Variants in PBOV1 observed in about 807,000 individuals in gnomAD.
PBOV1 encodes the protein prostate and breast cancer overexpressed gene 1 protein.
For synonymous variants in PBOV1, 46 were observed against 55.9 expected (o/e 0.82, Z 0.79); for missense variants, 147 against 151.4 (o/e 0.97, Z 0.15).
Position 138,216,646 on chromosome 6 carries a change from T to G in PBOV1, c.*1342A>C, listed in dbSNP as rs973247400. ...GAAAGAATGTGATCATTAGTGAAGT[T>G]TGAGAGTGAAATGGCTAATTTGTCT... On this transcript the variant is annotated 3_prime_UTR_variant, in exon 1 of 1. Transcript: ENST00000527246. 2 of 152,190 alleles carry G rather than the reference T, an allele frequency of 1.3e-5. No homozygotes were observed. Among genetic ancestry groups the G allele is most frequent in the Admixed American group, 6.5e-5 (1 of 15,278 alleles). The allele number at this position is 152,190 out of a possible 1,614,324, so 9.4% of individuals were successfully genotyped here.
chr6:138,218,337 A>G lies in PBOV1; in HGVS notation c.59T>C (p.Leu20Ser). The G allele has an allele frequency of 6.4e-7, 1 of 1,555,994 alleles. No individual in the cohort carries two copies. Among genetic ancestry groups the G allele is most frequent in the Non-Finnish European group, 8.7e-7 (1 of 1,149,174 alleles). Residue 20 changes from leucine to serine, a missense_variant, in exon 1 of 1, where the codon TTA becomes TCA. Physicochemically the swap from Leu to Ser is moderately radical, Grantham distance 145. Coordinates refer to ENST00000527246, the MANE Select transcript of PBOV1 (RefSeq NM_021635.3). ...YEDMHNIIHI[L>S]QIRKLRHRLS... Reference sequence around the variant, plus strand: ...TCTGTGCCTCAATTTTCTGATCTGTAAAATGTGAATAATATTGTGCATATC... The same window carrying G: ...TCTGTGCCTCAATTTTCTGATCTGTGAAATGTGAATAATATTGTGCATATC...
At position 138,218,263 on chromosome 6, in the gene PBOV1, G is replaced by A. The variant is rs559691424; in HGVS notation, c.133C>T (p.Leu45Phe). ...AATACCTTGTAGCAGAATGGTAAGA[G>A]CACAGTTTCTGGAGCTAGAATGCCT... is the stretch of plus-strand genomic sequence containing the variant. The part of the protein sequence containing the change: ...LPGILAPETV[L>F]LPFCYKVFRK... Residue 45 changes from leucine to phenylalanine, a missense_variant, in exon 1 of 1, where the codon CTC becomes TTC. Leu to Phe is a conservative substitution (Grantham distance 22). Transcript: ENST00000527246. The A allele has an allele frequency of 1.7e-5, 28 of 1,609,768 alleles. No homozygotes were observed. In the South Asian group the frequency reaches 2.9e-4, roughly 16 times the overall value.
rs368322752 is a variant in PBOV1, at chr6:138,216,499, G to A, written c.*1489C>T. 2.0e-5 allele frequency: 3 copies of A among 152,180 alleles called. No individual in the cohort carries two copies. The highest frequency in any genetic ancestry group is 7.2e-5 in the African/African-American group (3 of 41,436). 9.4% of individuals were successfully genotyped at this position (152,180 alleles called of 1,614,324 possible). ...GCAAGAAACACGACAAAGGAAGAAA[G>A]ACTGTTTGAGTCCCCTCTCGGTAAT... On this transcript the variant is annotated 3_prime_UTR_variant, in exon 1 of 1. Coordinates refer to ENST00000527246, the MANE Select transcript of PBOV1 (RefSeq NM_021635.3).
At position 138,216,844 on chromosome 6, in the gene PBOV1, T is replaced by A. The variant is rs1777873811; in HGVS notation, c.*1144A>T. 6.6e-6 allele frequency: 1 copy of A among 152,242 alleles called. No homozygotes were observed. The highest frequency in any genetic ancestry group is 1.5e-5 in the Non-Finnish European group (1 of 68,036). The allele number at this position is 152,242 out of a possible 1,614,324, so 9.4% of individuals were successfully genotyped here. A position where few individuals can be genotyped will look rare whatever the true frequency, so the allele number is the denominator to read the frequency against. On this transcript the variant is annotated 3_prime_UTR_variant, in exon 1 of 1. Transcript: ENST00000527246. Reference sequence around the variant, plus strand: ...CTAACAAGTTTGCAAACATATTGTTTGTGCAGTTAATGCAGGGAAGTGTCT... The same window carrying A: ...CTAACAAGTTTGCAAACATATTGTTAGTGCAGTTAATGCAGGGAAGTGTCT...
rs1035549371 is a variant in PBOV1, at chr6:138,217,150, A to G, written c.*838T>C. Reference sequence around the variant, plus strand: ...GATGGAGATTTTCATATTATCTATTAATATCTTTTTAAAGCACCACCATTT... The same window carrying G: ...GATGGAGATTTTCATATTATCTATTGATATCTTTTTAAAGCACCACCATTT... On this transcript the variant is annotated 3_prime_UTR_variant, in exon 1 of 1. Coordinates refer to ENST00000527246, the MANE Select transcript of PBOV1 (RefSeq NM_021635.3). 2.0e-5 allele frequency: 3 copies of G among 152,332 alleles called. No individual in the cohort carries two copies. Among genetic ancestry groups the G allele is most frequent in the Admixed American group, 2.0e-4 (3 of 15,304 alleles). The allele number at this position is 152,332 out of a possible 1,614,324, so 9.4% of individuals were successfully genotyped here.
chr6:138,218,083 T>C lies in PBOV1; in HGVS notation c.313A>G (p.Ile105Val), dbSNP rs1562357387. The change falls in exon 1 of 1, where the codon ATA (isoleucine) becomes GTA (valine). Residue 105 changes from isoleucine to valine, a missense_variant. Ile to Val is a conservative substitution (Grantham distance 29, BLOSUM62 3). Transcript: ENST00000527246. ...AACTGCAAAGTCAATGTGAATAATA[T>C]GGCTTCTGAAGATAATGAGGAACAT... ...MKCSSLSSEA[I>V]LFTLTLQLTQ... is the part of the protein sequence containing the mutation. The C allele has an allele frequency of 6.2e-7, 1 of 1,613,980 alleles. No individual in the cohort carries two copies. Among genetic ancestry groups the C allele is most frequent in the Admixed American group, 1.7e-5 (1 of 60,028 alleles).
Position 138,216,634 on chromosome 6 carries a change from C to T in PBOV1, c.*1354G>A, listed in dbSNP as rs1392901625. On this transcript the variant is annotated 3_prime_UTR_variant, in exon 1 of 1. Transcript: ENST00000527246. The stretch of plus-strand genomic sequence containing the variant: ...GAGTTCCTTTTGGAAAGAATGTGAT[C>T]ATTAGTGAAGTTTGAGAGTGAAATG... The T allele has an allele frequency of 6.6e-6, 1 of 152,236 alleles. No individual in the cohort carries two copies. The highest frequency in any genetic ancestry group is 2.4e-5 in the African/African-American group (1 of 41,524). 9.4% of individuals were successfully genotyped at this position (152,236 alleles called of 1,614,324 possible).
rs925883309 is a variant in PBOV1, at chr6:138,217,829, G to T, written c.*159C>A. The T allele has an allele frequency of 2.9e-6, 3 of 1,031,668 alleles. No individual in the cohort carries two copies. The highest frequency in any genetic ancestry group is 4.0e-6 in the Non-Finnish European group (3 of 749,420). 63.9% of individuals were successfully genotyped at this position (1,031,668 alleles called of 1,614,324 possible). A position where few individuals can be genotyped will look rare whatever the true frequency, so the allele number is the denominator to read the frequency against. The stretch of plus-strand genomic sequence containing the variant: ...AAGATCAACATGGGTTTGTATTTTA[G>T]AATTGAAATAACCTCCTACATCATC... On this transcript the variant is annotated 3_prime_UTR_variant, in exon 1 of 1. Transcript: ENST00000527246.
Position 138,217,104 on chromosome 6 carries a change from T to C in PBOV1, c.*884A>G, listed in dbSNP as rs1777881348. Reference sequence around the variant, plus strand: ...CCTGGAGATGTGATTTTCCTTTAAATAGTTTATGCATTATTTTTGAGATGG... The same window carrying C: ...CCTGGAGATGTGATTTTCCTTTAAACAGTTTATGCATTATTTTTGAGATGG... On this transcript the variant is annotated 3_prime_UTR_variant, in exon 1 of 1. Transcript: ENST00000527246. 6.6e-6 allele frequency: 1 copy of C among 152,276 alleles called. No individual in the cohort carries two copies. The highest frequency in any genetic ancestry group is 1.5e-5 in the Non-Finnish European group (1 of 68,052). The allele number at this position is 152,276 out of a possible 1,614,324, so 9.4% of individuals were successfully genotyped here.
In PBOV1 at chr6:138,218,253, A is replaced by G. The variant is rs373451602; in HGVS notation, c.143T>C (p.Phe48Ser). 117 of 1,611,810 alleles carry G rather than the reference A, an allele frequency of 7.3e-5. No homozygotes were observed. Among genetic ancestry groups the G allele is most frequent in the Non-Finnish European group, 9.2e-5 (109 of 1,178,860 alleles). Residue 48 changes from phenylalanine (F) to serine (S), a missense_variant, in exon 1 of 1, where the codon TTC becomes TCC. By Grantham distance (155) the Phe-to-Ser change is radical (BLOSUM62 -2). Coordinates refer to ENST00000527246, the MANE Select transcript of PBOV1 (RefSeq NM_021635.3). ...TTTTTTTCGAAATACCTTGTAGCAGAATGGTAAGAGCACAGTTTCTGGAGC... is the reference window on the plus strand; with the variant it reads ...TTTTTTTCGAAATACCTTGTAGCAGGATGGTAAGAGCACAGTTTCTGGAGC... ...ILAPETVLLP[F>S]CYKVFRKKEK...
chr6:138,218,231 T>G lies in PBOV1; in HGVS notation c.165A>C (p.Lys55Asn). Residue 55 changes from lysine to asparagine, a missense_variant, in exon 1 of 1, where the codon AAA becomes AAC. Lys to Asn is a moderately conservative substitution (Grantham distance 94). Coordinates refer to ENST00000527246, the MANE Select transcript of PBOV1 (RefSeq NM_021635.3). The stretch of plus-strand genomic sequence containing the variant: ...TTTGACTTCTTTTTACTTTTTCTTT[T>G]TTTCGAAATACCTTGTAGCAGAATG... ...LLPFCYKVFR[K>N]KEKVKRSQKA... is the part of the protein sequence containing the mutation. The G allele has an allele frequency of 1.2e-6, 2 of 1,613,740 alleles. No homozygotes were observed. The highest frequency in any genetic ancestry group is 4.5e-5 in the East Asian group (2 of 44,848).
In PBOV1 at chr6:138,217,049, T is replaced by C. The variant is rs1253320493; in HGVS notation, c.*939A>G. 1 of 152,270 alleles carries C rather than the reference T, an allele frequency of 6.6e-6. No individual in the cohort carries two copies. The highest frequency in any genetic ancestry group is 2.4e-5 in the African/African-American group (1 of 41,470). 9.4% of individuals were successfully genotyped at this position (152,270 alleles called of 1,614,324 possible). On this transcript the variant is annotated 3_prime_UTR_variant, in exon 1 of 1. Transcript: ENST00000527246. Reference sequence around the variant, plus strand: ...CTGCCTTCAGCAGATGGTAAAAATATATGAAAAAGTAATGAACAAACATTG... The same window carrying C: ...CTGCCTTCAGCAGATGGTAAAAATACATGAAAAAGTAATGAACAAACATTG...
chr6:138,218,043 C>T lies in PBOV1; in HGVS notation c.353G>A (p.Gly118Asp), dbSNP rs755795226. 52 of 1,610,260 alleles carry T rather than the reference C, an allele frequency of 3.2e-5. No homozygotes were observed. The highest frequency in any genetic ancestry group is 4.1e-5 in the African/African-American group (3 of 73,532). Residue 118 changes from glycine (G) to aspartate (D), a missense_variant, in exon 1 of 1, where the codon GGT becomes GAT. By Grantham distance (94) the Gly-to-Asp change is moderately conservative (BLOSUM62 -1). Transcript: ENST00000527246. ...TLTLQLTQTL[G>D]LECCLLYLSK... ...TAAGTAGAGAAGACAGCATTCCAGACCTAGGGTCTGAGTTAACTGCAAAGT... is the reference window on the plus strand; with the variant it reads ...TAAGTAGAGAAGACAGCATTCCAGATCTAGGGTCTGAGTTAACTGCAAAGT...
Position 138,217,646 on chromosome 6 carries a change from A to G in PBOV1, c.*342T>C, listed in dbSNP as rs1307754301. ...TATTGTTTTTATCCCTCTGGTGCCT[A>G]GCGGAGCATCTGGCACATGGCTTAC... On this transcript the variant is annotated 3_prime_UTR_variant, in exon 1 of 1. Transcript: ENST00000527246. 9.3e-6 allele frequency: 2 copies of G among 215,604 alleles called. No homozygotes were observed. The highest frequency in any genetic ancestry group is 1.8e-5 in the Non-Finnish European group (2 of 109,264). The allele number at this position is 215,604 out of a possible 1,614,324, so 13.4% of individuals were successfully genotyped here. A position where few individuals can be genotyped will look rare whatever the true frequency, so the allele number is the denominator to read the frequency against.
chr6:138,216,116 T>G lies in PBOV1; in HGVS notation c.*1872A>C, dbSNP rs1777848331. 1 of 152,202 alleles carries G rather than the reference T, an allele frequency of 6.6e-6. No individual in the cohort carries two copies. The highest frequency in any genetic ancestry group is 1.5e-5 in the Non-Finnish European group (1 of 68,216). The allele number at this position is 152,202 out of a possible 1,614,324, so 9.4% of individuals were successfully genotyped here. A position where few individuals can be genotyped will look rare whatever the true frequency, so the allele number is the denominator to read the frequency against. ...CCTCAGCCTCCTGAGTAGCTGGGATTACAGGCATGTGCCACCACGCCCGGC... is the reference window on the plus strand; with the variant it reads ...CCTCAGCCTCCTGAGTAGCTGGGATGACAGGCATGTGCCACCACGCCCGGC... On this transcript the variant is annotated 3_prime_UTR_variant, in exon 1 of 1. Transcript: ENST00000527246.
chr6:138,217,892 C>A lies in PBOV1; in HGVS notation c.*96G>T. On this transcript the variant is annotated 3_prime_UTR_variant, in exon 1 of 1. Transcript: ENST00000527246. ...TAAGTAAATTGAAGTTGGAATGGTT[C>A]AGTTACTTGGCTGGGCTTAAACAGT... 1 of 1,435,270 alleles carries A rather than the reference C, an allele frequency of 7.0e-7. No individual in the cohort carries two copies. Among genetic ancestry groups the A allele is most frequent in the Non-Finnish European group, 9.3e-7 (1 of 1,071,128 alleles). The allele number at this position is 1,435,270 out of a possible 1,614,324, so 88.9% of individuals were successfully genotyped here. A position where few individuals can be genotyped will look rare whatever the true frequency, so the allele number is the denominator to read the frequency against.
In PBOV1 at chr6:138,218,120, A is replaced by G; in HGVS notation, c.276T>C (p.Gly92=). ...TPLQTHLTMK[G]SSMKCSSLSS... ...ATAATGAGGAACATTTCATTGAGGA[A>G]CCTTTCATGGTCAAGTGTGTCTGCA... Residue 92 remains glycine (G), a synonymous_variant, in exon 1 of 1, where the codon GGT becomes GGC. Coordinates refer to ENST00000527246, the MANE Select transcript of PBOV1 (RefSeq NM_021635.3). The G allele has an allele frequency of 6.2e-7, 1 of 1,613,914 alleles. No individual in the cohort carries two copies. Among genetic ancestry groups the G allele is most frequent in the Non-Finnish European group, 8.5e-7 (1 of 1,179,838 alleles).
In PBOV1 at chr6:138,217,993, T is replaced by C; in HGVS notation, c.403A>G (p.Ile135Val). Reference protein sequence around the residue: ...YLSKTIHPQII With the variant: ...YLSKTIHPQIV ...TTTGCAGCAGGGCTGAGAGTTTATA[T>C]GATCTGTGGATGTATAGTTTTGGAT... The change falls in exon 1 of 1, where the codon ATA (isoleucine) becomes GTA (valine). Residue 135 changes from isoleucine (I) to valine (V), a missense_variant. Physicochemically the swap from Ile to Val is conservative, Grantham distance 29 (BLOSUM62 3). Coordinates refer to ENST00000527246, the MANE Select transcript of PBOV1 (RefSeq NM_021635.3). 6.2e-7 allele frequency: 1 copy of C among 1,604,770 alleles called. No homozygotes were observed.
chr6:138,217,849 A>C lies in PBOV1; in HGVS notation c.*139T>G, dbSNP rs1777900443. Reference sequence around the variant, plus strand: ...TTTTAGAATTGAAATAACCTCCTACATCATCAAATTCTTTTCATAAGTAAA... The same window carrying C: ...TTTTAGAATTGAAATAACCTCCTACCTCATCAAATTCTTTTCATAAGTAAA... On this transcript the variant is annotated 3_prime_UTR_variant, in exon 1 of 1. Transcript: ENST00000527246. 1 of 1,243,624 alleles carries C rather than the reference A, an allele frequency of 8.0e-7. No homozygotes were observed. Among genetic ancestry groups the C allele is most frequent in the Admixed American group, 3.0e-5 (1 of 32,886 alleles). 77.0% of individuals were successfully genotyped at this position (1,243,624 alleles called of 1,614,324 possible). A position where few individuals can be genotyped will look rare whatever the true frequency, so the allele number is the denominator to read the frequency against.
Sources: gnomAD v4.1 joint callset for allele counts on GRCh38, gnomAD v4.1.1 for gene constraint, MANE v1.5 for transcripts, NCBI Gene and HGNC (gene_info 2026-07-23, HGNC 2026-07-21) for gene names.